The following PLEKHA7 variants were observed in gnomAD, a reference collection of about 807,000 sequenced individuals.
PLEKHA7 encodes the protein pleckstrin homology domain containing A7, also known as pleckstrin homology domain-containing family A member 7.
In PLEKHA7, 104 loss-of-function variants were observed where a neutral mutation model predicts 170.0. That is an observed-to-expected ratio of 0.61 (90% CI 0.52 to 0.72). PLEKHA7 has a LOEUF of 0.72. PLEKHA7 is among the 30% of genes least tolerant of loss of function. The pLI is 0.00. For missense variants in PLEKHA7, 1,615 were observed against 1,671.7 expected, an observed-to-expected ratio of 0.97 and a Z score of 0.59; for synonymous variants, 648 against 660.8, an observed-to-expected ratio of 0.98 and a Z score of 0.30.
chr11:16,869,027 T>G (rs1030804809), intron 4 of PLEKHA7, among the ~76,000 whole-genome samples: 1 of 152,222 alleles, frequency 6.6e-6, no homozygotes, highest in African/African-American at 2.4e-5. Flanking sequence ...CAGGCACCTG[T>G]GTCTCCGGGA....
rs937568014 is a variant in PLEKHA7, at chr11:16,794,776, G to A, written c.2519-62C>T. The A allele has an allele frequency of 1.4e-5, 22 of 1,565,092 alleles. No individual in the cohort carries two copies. The African/African-American group carries it at 2.4e-4, about 17-fold the overall frequency. On this transcript the variant is annotated intron_variant, in intron 18 of 26. Coordinates refer to ENST00000531066, the MANE Select transcript of PLEKHA7 (RefSeq NM_001329630.2). ...ACAAAGACCCCCTTCCTTGGAGGAT[G>A]AGTGGAGTAATTTAGCACCTCGAAG...
chr11:16,946,451 G>T (rs1861037783), intron 3 of PLEKHA7, among the ~76,000 whole-genome samples: 1 of 152,096 alleles, frequency 6.6e-6, no homozygotes, highest in Admixed American at 6.5e-5. Context: ...GGGGAGGGGG[G>T]GACTTTGAAA....
intron 3 of PLEKHA7, among the ~76,000 whole-genome samples, chr11:16,906,317 C>T (rs1430893683): frequency 2.9e-5 from 4 of 137,000 alleles, no homozygotes; most frequent in African/African-American, 1.1e-4. Context: ...CTCTCCCTCT[C>T]CCTCCTCTCA....
chr11:16,923,377 T>A (rs1411505393), intron 3 of PLEKHA7, among the ~76,000 whole-genome samples: 1 of 152,110 alleles, frequency 6.6e-6, no homozygotes, highest in Non-Finnish European at 1.5e-5. Flanking sequence ...GCCCTGTGTG[T>A]TAGGGGAGGG....
In PLEKHA7 at chr11:16,882,802, T is replaced by C. The variant is rs1335712533; in HGVS notation, c.222-11620A>G. Among the ~76,000 whole-genome samples the C allele has an allele frequency of 2.2e-4, 34 of 152,130 alleles. 1 individual carries two copies. Among genetic ancestry groups the C allele is most frequent in the Non-Finnish European group, 1.5e-5 (1 of 68,046 alleles). On this transcript the variant is annotated intron_variant, in intron 3 of 26. Coordinates refer to ENST00000531066, the MANE Select transcript of PLEKHA7 (RefSeq NM_001329630.2). ...AATAGTAGCTTATAATCCAATAGAATAGACTGATATGGTCATAAGTACATA... is the reference window on the plus strand; with the variant it reads ...AATAGTAGCTTATAATCCAATAGAACAGACTGATATGGTCATAAGTACATA...
intron 3 of PLEKHA7, among the ~76,000 whole-genome samples, chr11:16,928,199 T>G (rs1859696648): frequency 6.6e-6 from 1 of 152,136 alleles, no homozygotes; most frequent in Non-Finnish European, 1.5e-5. Flanking sequence ...TCCTAGCACT[T>G]TGGGCATTGC....
intron 3 of PLEKHA7, among the ~76,000 whole-genome samples, chr11:16,951,360 T>C (rs1263562813): frequency 6.6e-6 from 1 of 152,096 alleles, no homozygotes; most frequent in African/African-American, 2.4e-5. Context: ...ATGACGATGA[T>C]GATGATGATG....
chr11:16,946,845 G>T (rs950914865), intron 3 of PLEKHA7, among the ~76,000 whole-genome samples: 1 of 151,930 alleles, frequency 6.6e-6, no homozygotes, highest in Non-Finnish European at 1.5e-5. Context: ...CCACCATTCT[G>T]CTCGGTAAGG....
intron 6 of PLEKHA7, among the ~76,000 whole-genome samples, chr11:16,853,731 A>G (rs1396608974): frequency 6.6e-6 from 1 of 152,246 alleles, no homozygotes; most frequent in Non-Finnish European, 1.5e-5. Context: ...GGCAAATGTA[A>G]GAAAAGAGAG....
At chr11:16,941,369 T>C (rs1416940880) in intron 3 of PLEKHA7, among the ~76,000 whole-genome samples, 2 of 152,176 alleles carry the variant, frequency 1.3e-5, no homozygotes, top group Non-Finnish European at 2.9e-5. Context: ...AACACCTGGA[T>C]CTCTATTGTT....
At chr11:16,808,221 G>T (rs1000435215) in intron 13 of PLEKHA7, among the ~76,000 whole-genome samples, 2 of 152,198 alleles carry the variant, frequency 1.3e-5, no homozygotes, top group Admixed American at 6.5e-5. Flanking sequence ...AGTAATACCT[G>T]AATATTACCA....
At chr11:16,833,080 G>A (rs1183556569) in intron 9 of PLEKHA7, among the ~76,000 whole-genome samples, 3 of 152,226 alleles carry the variant, frequency 2.0e-5, no homozygotes, top group Non-Finnish European at 4.4e-5. Flanking sequence ...GAGAAATGGA[G>A]AAGGGAGTTA....
intron 3 of PLEKHA7, among the ~76,000 whole-genome samples, chr11:16,988,824 G>A (rs1863880579): frequency 1.3e-5 from 2 of 152,160 alleles, no homozygotes; most frequent in African/African-American, 2.4e-5. Context: ...TGTAAACCTG[G>A]GGCCAAAACC....
intron 3 of PLEKHA7, among the ~76,000 whole-genome samples, chr11:16,883,532 T>C (rs1321511463): frequency 6.6e-6 from 1 of 152,196 alleles, no homozygotes. Flanking sequence ...TGCTTCCTGA[T>C]ACTCTTGGCT....
rs139928759 is a variant in PLEKHA7 at position 16,967,938 on chromosome 11, A to G, written c.221+46051T>C. Among the ~76,000 whole-genome samples, 982 of 152,226 alleles carry G rather than the reference A, an allele frequency of 6.5e-3. 12 individuals are homozygous for G. Among genetic ancestry groups the G allele is most frequent in the African/African-American group, 0.023 (950 of 41,522 alleles). ...AGATAAGGAAGTCATTTCCTGTCTG[A>G]CTACCTCCCATTCTCCCTTGGCATG... On this transcript the variant is annotated intron_variant, in intron 3 of 26. Coordinates refer to ENST00000531066, the MANE Select transcript of PLEKHA7 (RefSeq NM_001329630.2).
intron 3 of PLEKHA7, among the ~76,000 whole-genome samples, chr11:16,989,651 G>C (rs750906911): frequency 2.0e-5 from 3 of 152,240 alleles, no homozygotes; most frequent in Non-Finnish European, 2.9e-5. Flanking sequence ...TGAATTCCCT[G>C]AAGATGTCCT....
chr11:16,894,128 T>C (rs2135970674), intron 3 of PLEKHA7, among the ~76,000 whole-genome samples: 1 of 152,296 alleles, frequency 6.6e-6, no homozygotes, highest in African/African-American at 2.4e-5. Flanking sequence ...CAAGGTCCTG[T>C]GAGACTTCGT....
chr11:16,871,652 T>TA (rs1402805427), intron 3 of PLEKHA7, among the ~76,000 whole-genome samples: 1 of 152,212 alleles, frequency 6.6e-6, no homozygotes, highest in Non-Finnish European at 1.5e-5. Context: ...TTCTTCTCCC[T>TA]ACTACAAAAT....
chr11:16,851,363 A>T lies in PLEKHA7; in HGVS notation c.596-72T>A, dbSNP rs1057073396. 107 of 1,150,568 alleles carry T rather than the reference A, an allele frequency of 9.3e-5. No homozygotes were observed. In the African/African-American group the frequency reaches 1.5e-3, roughly 16 times the overall value. 71.3% of individuals were successfully genotyped at this position (1,150,568 alleles called of 1,614,324 possible). ...TGGGCTCATCTGTCCCACTGCTTCC[A>T]GAACTTCAGCCAAGTTGTTTCCTCC... On this transcript the variant is annotated intron_variant, in intron 7 of 26. Coordinates refer to ENST00000531066, the MANE Select transcript of PLEKHA7 (RefSeq NM_001329630.2).
Sources: allele counts gnomAD v4.1 joint callset (sites outside exome capture counted in the v4.1 genomes callset), GRCh38; gene constraint gnomAD v4.1.1; transcripts MANE v1.5; gene names NCBI Gene and HGNC (gene_info 2026-07-23, HGNC 2026-07-21).